The following RAPGEF5 variants were observed in gnomAD, a reference collection of about 807,000 sequenced individuals.
RAPGEF5 encodes the protein Rap guanine nucleotide exchange factor 5, also known as M-Ras-regulated GEF.
RAPGEF5 carries 65 observed loss-of-function variants against 125.2 expected under a neutral mutation model. That is an observed-to-expected ratio of 0.52 (90% confidence interval 0.43 to 0.64). The LOEUF (loss-of-function observed/expected upper bound fraction) is 0.64. Among genes scored for constraint, RAPGEF5 ranks in the 30% least tolerant of loss-of-function variants. The probability of loss-of-function intolerance (pLI) is 0.00; values close to 1 mark genes in which losing one functional copy is unlikely to be tolerated. For synonymous variants in RAPGEF5, 391 were observed against 385.9 expected, an observed-to-expected ratio of 1.01 and a Z score of -0.16; for missense variants, 958 against 1,048.1, an observed-to-expected ratio of 0.91 and a Z score of 1.19.
intron 1 of RAPGEF5, among the ~76,000 whole-genome samples, chr7:22,340,124 C>A (rs930504568): frequency 6.6e-6 from 1 of 152,182 alleles, no homozygotes; most frequent in Non-Finnish European, 1.5e-5. Context: ...CTCTCCCATT[C>A]CAAATGGAGC....
intron 1 of RAPGEF5, among the ~76,000 whole-genome samples, chr7:22,347,183 A>T (rs1486696178): frequency 3.3e-5 from 5 of 152,108 alleles, no homozygotes; most frequent in Non-Finnish European, 7.4e-5. Context: ...ACATTACTCT[A>T]AGGCTATTAA....
chr7:22,138,226 G>A (rs1485351152), intron 21 of RAPGEF5, among the ~76,000 whole-genome samples: 1 of 152,112 alleles, frequency 6.6e-6, no homozygotes, highest in Non-Finnish European at 1.5e-5. Flanking sequence ...ATCTACTCCA[G>A]AGATCAGCCA....
At chr7:22,343,547 A>C (rs1465576287) in intron 1 of RAPGEF5, among the ~76,000 whole-genome samples, 1 of 152,204 alleles carries the variant, frequency 6.6e-6, no homozygotes, top group Non-Finnish European at 1.5e-5. Flanking sequence ...GCTCTGAAAT[A>C]GTTTCAACCT....
chr7:22,201,191 A>G (rs1422130866), intron 9 of RAPGEF5, among the ~76,000 whole-genome samples: 1 of 152,222 alleles, frequency 6.6e-6, no homozygotes, highest in Non-Finnish European at 1.5e-5. Flanking sequence ...ACCAATGAGG[A>G]GCTGCAGTCA....
intron 7 of RAPGEF5, among the ~76,000 whole-genome samples, chr7:22,237,447 C>T (rs1306873639): frequency 2.7e-5 from 4 of 145,934 alleles, no homozygotes; most frequent in South Asian, 2.2e-4. Context: ...GAGTTCTTTC[C>T]TCAGGAAACA....
intron 1 of RAPGEF5, among the ~76,000 whole-genome samples, chr7:22,328,064 C>T (rs1165044833): frequency 2.0e-5 from 3 of 152,124 alleles, no homozygotes; most frequent in South Asian, 2.1e-4. Context: ...CCTACTAGAC[C>T]GTAAGCTTTT....
At chr7:22,299,840 T>C (rs1783155472) in intron 5 of RAPGEF5, among the ~76,000 whole-genome samples, 1 of 148,362 alleles carries the variant, frequency 6.7e-6, no homozygotes, top group African/African-American at 2.5e-5. Flanking sequence ...GTTTCTAACA[T>C]AAAACCTCTA....
intron 1 of RAPGEF5, among the ~76,000 whole-genome samples, chr7:22,323,838 T>C (rs1783761769): frequency 6.6e-6 from 1 of 152,100 alleles, no homozygotes; most frequent in Non-Finnish European, 1.5e-5. Context: ...AATAAATAAA[T>C]GAGGATCAGG....
At chr7:22,205,872 T>A (rs1785385355) in intron 9 of RAPGEF5, among the ~76,000 whole-genome samples, 1 of 152,252 alleles carries the variant, frequency 6.6e-6, no homozygotes, top group African/African-American at 2.4e-5. Flanking sequence ...AGATCAGCCA[T>A]CTGTCCTGTA....
At chr7:22,125,321 C>T (rs1019228163) in intron 25 of RAPGEF5, 9 of 326,342 alleles carry the variant, frequency 2.8e-5, no homozygotes, top group Middle Eastern at 9.4e-4. Context: ...CAGGAGTCAG[C>T]GGGAGTTGCG....
At chr7:22,122,968 G>A (rs1406372772) in intron 25 of RAPGEF5, among the ~76,000 whole-genome samples, 1 of 152,106 alleles carries the variant, frequency 6.6e-6, no homozygotes, top group Non-Finnish European at 1.5e-5. Context: ...CGCTGATAAT[G>A]TATTTAGCAT....
chr7:22,259,631 C>CA (rs1334969576), intron 7 of RAPGEF5, among the ~76,000 whole-genome samples: 3 of 152,158 alleles, frequency 2.0e-5, no homozygotes. Flanking sequence ...TAAACTGGTT[C>CA]ATCCAGACAG....
intron 6 of RAPGEF5, among the ~76,000 whole-genome samples, chr7:22,282,807 G>T (rs1782704914): frequency 6.6e-6 from 1 of 152,036 alleles, no homozygotes; most frequent in Admixed American, 6.6e-5. Flanking sequence ...TCTCTTCAAA[G>T]GTTTCCCCAC....
intron 23 of RAPGEF5, among the ~76,000 whole-genome samples, chr7:22,135,372 T>C (rs1050859292): frequency 6.6e-6 from 1 of 152,172 alleles, no homozygotes; most frequent in Non-Finnish European, 1.5e-5. Flanking sequence ...ATACACCAGA[T>C]TAAAAAGAGT....
rs563199095 is a variant in RAPGEF5, at chr7:22,300,980, G to C, written c.680+7359C>G. ...ACCACTGATCTCCCTGTCTACATCT[G>C]AGGCCTGCCTTTGAGGCAACGCTGG... is the stretch of plus-strand genomic sequence containing the variant. On this transcript the variant is annotated intron_variant, in intron 5 of 25. Transcript: ENST00000665637. 2.0e-5 allele frequency among the ~76,000 whole-genome samples: 3 copies of C among 152,328 alleles called. No individual in the cohort carries two copies. In the South Asian group the frequency reaches 6.2e-4, roughly 32 times the overall value.
intron 7 of RAPGEF5, among the ~76,000 whole-genome samples, chr7:22,233,692 C>T (rs937978898): frequency 6.6e-6 from 1 of 152,178 alleles, no homozygotes; most frequent in African/African-American, 2.4e-5. Flanking sequence ...GCCACCTCAC[C>T]TGGCCTCACA....
intron 13 of RAPGEF5, among the ~76,000 whole-genome samples, chr7:22,161,537 A>AACACACAC (rs369030719): frequency 0.038 from 5,123 of 135,966 alleles, 138 homozygotes; most frequent in Admixed American, 0.072. Context: ...ACCCTGTCTC[A>AACACACAC]ACACACACAC....
chr7:22,356,934 G>C lies in RAPGEF5; in HGVS notation c.127C>G (p.Arg43Gly). Residue 43 changes from arginine (R) to glycine (G), a missense_variant, in exon 1 of 26, where the codon CGC (arginine) becomes GGC (glycine). Transcript: ENST00000665637. ...RRSPSAREPE[R>G]EQPPASLRPR... is the part of the protein sequence containing the mutation. ...CGCAGCGACGCCGGCGGCTGCTCGCGCTCGGGCTCCCGGGCGCTGGGGCTG... is the reference window on the plus strand; with the variant it reads ...CGCAGCGACGCCGGCGGCTGCTCGCCCTCGGGCTCCCGGGCGCTGGGGCTG... 1 of 1,070,920 alleles carries C rather than the reference G, an allele frequency of 9.3e-7. No homozygotes were observed. 66.3% of individuals were successfully genotyped at this position (1,070,920 alleles called of 1,614,324 possible). A position where few individuals can be genotyped will look rare whatever the true frequency, so the allele number is the denominator to read the frequency against.
intron 4 of RAPGEF5, among the ~76,000 whole-genome samples, chr7:22,308,922 G>A (rs1290561742): frequency 6.6e-6 from 1 of 152,140 alleles, no homozygotes; most frequent in East Asian, 1.9e-4. Flanking sequence ...GCCTCCCCCA[G>A]GGGACATTTG....
Sources: gnomAD v4.1 joint callset for allele counts (sites outside exome capture counted in the v4.1 genomes callset) on GRCh38, gnomAD v4.1.1 for gene constraint, MANE v1.5 for transcripts, NCBI Gene and HGNC (gene_info 2026-07-23, HGNC 2026-07-21) for gene names.